The following SYTL5 variants were observed in gnomAD, a reference collection of about 807,000 sequenced individuals.
The protein encoded by SYTL5 is synaptotagmin like 5.
SYTL5 carries 34 observed loss-of-function variants against 55.9 expected under a neutral mutation model. That is an observed-to-expected ratio of 0.61 (90% CI 0.46 to 0.81). SYTL5 has a LOEUF of 0.81. Among genes scored for constraint, SYTL5 ranks in the 30% least tolerant of loss-of-function variants. The pLI is 0.00. For missense variants in SYTL5, 637 were observed against 546.7 expected (o/e 1.17, Z -1.65); for synonymous variants, 221 against 188.7 (o/e 1.17, Z -1.40).
intron 3 of SYTL5, among the ~76,000 whole-genome samples, chrX:38,069,960 G>A (rs73465499): frequency 1.8e-5 from 2 of 111,802 alleles, no homozygotes; most frequent in Non-Finnish European, 3.8e-5. Flanking sequence ...TTCCATAAGC[G>A]TATTTTATAT....
intron 6 of SYTL5, among the ~76,000 whole-genome samples, chrX:38,079,483 AAGCT>A (rs1936473499): frequency 8.9e-6 from 1 of 112,193 alleles, no homozygotes; most frequent in Non-Finnish European, 1.9e-5. Context: ...AAATAAATGT[AAGCT>A]GTAGTTAATA....
chrX:38,004,915 TGAA>T (rs1372216927), upstream of SYTL5, among the ~76,000 whole-genome samples: 1 of 111,558 alleles, frequency 9.0e-6, no homozygotes, highest in Non-Finnish European at 1.9e-5. Flanking sequence ...TTTAAAATAA[TGAA>T]GACAGTATGA....
chrX:38,082,027 C>T (rs5917527), intron 6 of SYTL5, among the ~76,000 whole-genome samples: 14,629 of 111,355 alleles, frequency 0.13, 798 homozygotes, highest in Middle Eastern at 0.16. Flanking sequence ...CCTTCAAAGA[C>T]GCAGTTTGTC....
intron 1 of SYTL5, among the ~76,000 whole-genome samples, chrX:38,028,000 T>G (rs749651232): frequency 5.6e-4 from 62 of 110,469 alleles, no homozygotes; most frequent in African/African-American, 2.0e-3. Context: ...ATTTTTTGTA[T>G]TTTTAGTAGA....
chrX:38,087,294 T>G (rs1435725789), intron 6 of SYTL5, among the ~76,000 whole-genome samples: 1 of 111,933 alleles, frequency 8.9e-6, no homozygotes, highest in Admixed American at 9.5e-5. Flanking sequence ...AATGGGAAAG[T>G]CTCTATGCCT....
the SYTL5 span, among the ~76,000 whole-genome samples, chrX:37,898,174 G>C: frequency 8.9e-6 from 1 of 111,898 alleles, no homozygotes; most frequent in South Asian, 3.7e-4. Context: ...CCTCACGTGG[G>C]GGAAGGGGCA....
At chrX:37,968,107 A>G in the SYTL5 span, among the ~76,000 whole-genome samples, 1 of 110,053 alleles carries the variant, frequency 9.1e-6, no homozygotes, top group Admixed American at 9.8e-5. Flanking sequence ...TTTCTATGTA[A>G]GGTAAATCAA....
intron 1 of SYTL5, among the ~76,000 whole-genome samples, chrX:38,026,077 C>T (rs924353075): frequency 3.6e-5 from 4 of 112,490 alleles, no homozygotes; most frequent in African/African-American, 1.3e-4. Context: ...TTGAGTGATT[C>T]GTGGCATGAA....
the SYTL5 span, among the ~76,000 whole-genome samples, chrX:37,939,959 A>G: frequency 1.8e-5 from 2 of 111,119 alleles, no homozygotes; most frequent in East Asian, 5.7e-4. Context: ...GCCTCCTTGA[A>G]TAGCTGGGAC....
At chrX:38,034,046 C>T (rs1194749448) in intron 2 of SYTL5, 38 bp downstream of exon 2, 20 of 859,189 alleles carry the variant, frequency 2.3e-5, no homozygotes, top group Non-Finnish European at 3.3e-5. Context: ...TCCTTGACTG[C>T]TTTCTGTTTG....
At chrX:38,093,936 ACT>A (rs1482784553) in intron 7 of SYTL5, among the ~76,000 whole-genome samples, 1 of 110,841 alleles carries the variant, frequency 9.0e-6, no homozygotes, top group Non-Finnish European at 1.9e-5. Context: ...CTTGAGTGCT[ACT>A]CTGAGAGTGT....
chrX:38,040,031 C>T (rs889978078), intron 2 of SYTL5, among the ~76,000 whole-genome samples: 1 of 110,319 alleles, frequency 9.1e-6, no homozygotes, highest in African/African-American at 3.3e-5. Context: ...AAAAATTACC[C>T]GGGCGTGGTG....
chrX:38,068,734 A>T (rs1936172085), intron 3 of SYTL5, among the ~76,000 whole-genome samples: 1 of 111,160 alleles, frequency 9.0e-6, no homozygotes, highest in Non-Finnish European at 1.9e-5. Context: ...TTGGGTACAT[A>T]TGGAGATAAA....
the SYTL5 span, among the ~76,000 whole-genome samples, chrX:37,920,995 C>T: frequency 9.0e-6 from 1 of 111,330 alleles, no homozygotes; most frequent in Non-Finnish European, 1.9e-5. Context: ...CTGCTTCCCT[C>T]CAGTAATAGA....
Position 38,126,792 on chromosome X carries a change from A to C in SYTL5, c.*62A>C. ...TATCTGGCTGTCTTTTCCTACCATT[A>C]GCAAACTGAGACCTGGGATTCTGCT... is the stretch of plus-strand genomic sequence containing the variant. On this transcript the variant is annotated 3_prime_UTR_variant, in exon 17 of 17. Transcript: ENST00000297875. 3 of 1,087,333 alleles carry C rather than the reference A, an allele frequency of 2.8e-6. No individual in the cohort carries two copies. Among genetic ancestry groups the C allele is most frequent in the Non-Finnish European group, 3.7e-6 (3 of 808,268 alleles). The allele number at this position is 1,087,333 out of a possible 1,213,427, so 89.6% of individuals were successfully genotyped here.
At chrX:38,013,668 G>C (rs1934255776) in intron 1 of SYTL5, among the ~76,000 whole-genome samples, 1 of 111,379 alleles carries the variant, frequency 9.0e-6, no homozygotes, top group South Asian at 3.8e-4. Context: ...CATCTTCCTG[G>C]GGTATTTTTT....
chrX:37,991,172 CA>C, the SYTL5 span: 1 of 1,209,597 alleles, frequency 8.3e-7, no homozygotes, highest in Non-Finnish European at 1.1e-6. Context: ...ATGAGATGCC[CA>C]AATCCAGGAA....
intron 2 of SYTL5, among the ~76,000 whole-genome samples, chrX:38,047,517 T>C (rs182534367): frequency 2.2e-3 from 251 of 112,653 alleles, no homozygotes; most frequent in African/African-American, 7.8e-3. Flanking sequence ...ATGGAGACCC[T>C]GGGCCCTGCC....
At chrX:38,060,630 A>C (rs1020957030) in intron 3 of SYTL5, among the ~76,000 whole-genome samples, 8 of 112,184 alleles carry the variant, frequency 7.1e-5, no homozygotes, top group Non-Finnish European at 1.3e-4. Flanking sequence ...AGGCTTAAGC[A>C]AGTGGAACAA....
Sources: allele counts gnomAD v4.1 joint callset (sites outside exome capture counted in the v4.1 genomes callset), GRCh38; gene constraint gnomAD v4.1.1; transcripts MANE v1.5; gene names NCBI Gene and HGNC (gene_info 2026-07-23, HGNC 2026-07-21).